Variants in PRP4K observed in about 807,000 individuals in gnomAD.
PRP4K encodes pre-mRNA processing factor kinase PRP4K.
the PRP4K span, among the ~76,000 whole-genome samples, chr6:4,046,348 A>G: frequency 6.6e-6 from 1 of 152,126 alleles, no homozygotes; most frequent in South Asian, 2.1e-4. Context: ...TTGATACCTC[A>G]TTGTAGTTTT....
the PRP4K span, among the ~76,000 whole-genome samples, chr6:4,043,596 T>C: frequency 6.6e-6 from 1 of 152,180 alleles, no homozygotes; most frequent in Non-Finnish European, 1.5e-5. Flanking sequence ...TGCCACCTGA[T>C]GAATGTGCAC....
the PRP4K span, chr6:4,063,944 G>A: frequency 1.3e-5 from 2 of 152,144 alleles, no homozygotes; most frequent in African/African-American, 2.4e-5. Context: ...GAAGTGTTAG[G>A]TACGGCTCTC....
At chr6:4,058,703 C>T in the PRP4K span, 1 of 1,584,398 alleles carries the variant, frequency 6.3e-7, no homozygotes, top group Non-Finnish European at 8.7e-7. Context: ...TAGTTCAAAA[C>T]CCAAGTTTTT....
At chr6:4,052,683 C>T in the PRP4K span, 1 of 1,447,700 alleles carries the variant, frequency 6.9e-7, no homozygotes, top group Non-Finnish European at 9.3e-7. Flanking sequence ...CATTTTAACT[C>T]CTATTTTGTT....
At chr6:4,028,273 T>G in the PRP4K span, among the ~76,000 whole-genome samples, 3 of 152,130 alleles carry the variant, frequency 2.0e-5, no homozygotes, top group African/African-American at 7.2e-5. Context: ...CACTGCAGCC[T>G]TTAACTCCTG....
chr6:4,029,012 C>CTT, the PRP4K span, among the ~76,000 whole-genome samples: 38 of 132,556 alleles, frequency 2.9e-4, no homozygotes, highest in Non-Finnish European at 3.8e-4. Flanking sequence ...TACTTGGAAT[C>CTT]TTTTTTTTTT....
the PRP4K span, among the ~76,000 whole-genome samples, chr6:4,033,926 AGTTTGCTTT>A: frequency 6.6e-6 from 1 of 151,638 alleles, no homozygotes; most frequent in East Asian, 1.9e-4. Flanking sequence ...GTGGTCTTTC[AGTTTGCTTT>A]GTTTGAAGAG....
the PRP4K span, chr6:4,031,718 AAAACAT>A: frequency 1.2e-6 from 2 of 1,603,216 alleles, no homozygotes; most frequent in Non-Finnish European, 1.7e-6. Context: ...ACAAGGATAA[AAAACAT>A]AAACATAAGC....
chr6:4,021,453 C>T, the PRP4K span: 67 of 1,584,704 alleles, frequency 4.2e-5, no homozygotes, highest in Non-Finnish European at 5.4e-5. Context: ...CCAGTCGCTA[C>T]GGGAGCAGCC....
At chr6:4,030,264 C>T in the PRP4K span, among the ~76,000 whole-genome samples, 1 of 151,994 alleles carries the variant, frequency 6.6e-6, no homozygotes, top group Non-Finnish European at 1.5e-5. Flanking sequence ...TTTCCTGCCG[C>T]GTGGCTTAAT....
At chr6:4,036,579 A>G in the PRP4K span, among the ~76,000 whole-genome samples, 7 of 151,996 alleles carry the variant, frequency 4.6e-5, no homozygotes, top group Non-Finnish European at 1.0e-4. Flanking sequence ...GCAGTGGCAC[A>G]AACACAGCCA....
At chr6:4,063,398 A>G in the PRP4K span, 1 of 152,182 alleles carries the variant, frequency 6.6e-6, no homozygotes, top group Non-Finnish European at 1.5e-5. Context: ...TCAAAATTGG[A>G]TGTTAAGGAT....
At chr6:4,052,233 T>G in the PRP4K span, 1 of 974,236 alleles carries the variant, frequency 1.0e-6, no homozygotes, top group Non-Finnish European at 1.5e-6. Context: ...TGTTTTTAAC[T>G]TGTGGTTAAC....
At chr6:4,043,737 A>G in the PRP4K span, 1 of 1,377,982 alleles carries the variant, frequency 7.3e-7, no homozygotes, top group Non-Finnish European at 1.0e-6. Context: ...TTTTCACTGC[A>G]GCAACTCTTA....
the PRP4K span, chr6:4,031,897 G>C: frequency 1.9e-6 from 3 of 1,614,020 alleles, no homozygotes; most frequent in Non-Finnish European, 2.5e-6. Context: ...TTAATGGAAG[G>C]AAAGGTCCAG....
At chr6:4,049,639 T>G in the PRP4K span, 1 of 1,281,552 alleles carries the variant, frequency 7.8e-7, no homozygotes, top group Non-Finnish European at 1.1e-6. Context: ...TAGTAGAGAT[T>G]TAACACAATT....
At chr6:4,035,284 A>ATTTTTTTTTTTTTTTTT in the PRP4K span, among the ~76,000 whole-genome samples, 22 of 58,800 alleles carry the variant, frequency 3.7e-4, no homozygotes, top group East Asian at 1.2e-3. Flanking sequence ...CGCCCGGCTA[A>ATTTTTTTTTTTTTTTTT]TTTTTTTTTT....
the PRP4K span, chr6:4,031,696 C>T: frequency 1.2e-6 from 2 of 1,603,016 alleles, no homozygotes; most frequent in Non-Finnish European, 8.5e-7. Context: ...CATAAACATT[C>T]CTCAGAAGAA....
At chr6:4,041,336 A>G in the PRP4K span, among the ~76,000 whole-genome samples, 1 of 152,336 alleles carries the variant, frequency 6.6e-6, no homozygotes, top group Admixed American at 6.5e-5. Context: ...TTTTTACAAC[A>G]TGAAAATGTA....
Sources: allele counts gnomAD v4.1 joint callset (sites outside exome capture counted in the v4.1 genomes callset), GRCh38; gene constraint gnomAD v4.1.1; transcripts MANE v1.5; gene names NCBI Gene and HGNC (gene_info 2026-07-23, HGNC 2026-07-21).